VPS39: variants seen among roughly 807,000 people sequenced by gnomAD.
VPS39 encodes the protein vam6/Vps39-like protein.
In VPS39, 70 loss-of-function variants were observed where a neutral mutation model predicts 121.0. The observed-to-expected ratio is 0.58, with a 90% CI of 0.48 to 0.71. The LOEUF (loss-of-function observed/expected upper bound fraction) is 0.71, where lower values mean the gene tolerates loss of function less well. Ranked by LOEUF, VPS39 falls within the 30% of genes least tolerant of loss-of-function variation. VPS39 has a pLI of 0.00. For synonymous variants in VPS39, 378 were observed against 398.1 expected (o/e 0.95, Z 0.60); for missense variants, 818 against 1,051.5 (o/e 0.78, Z 3.07).
chr15:42,189,823 G>A (rs1236540273), intron 4 of VPS39, among the ~76,000 whole-genome samples: 2 of 19,180 alleles, frequency 1.0e-4, no homozygotes, highest in Admixed American at 6.7e-4. Context: ...TTTTTTTTGA[G>A]GCACGGTCTC....
chr15:42,166,530 C>A (rs753786230), intron 15 of VPS39, 33 bp downstream of exon 15: 1 of 1,608,580 alleles, frequency 6.2e-7, no homozygotes, highest in Non-Finnish European at 8.5e-7. Flanking sequence ...TGAACAGGAG[C>A]GCTTTCCCAC....
chr15:42,166,595 T>C lies in VPS39; in HGVS notation c.1574A>G (p.His525Arg). 6.2e-7 allele frequency: 1 copy of C among 1,614,232 alleles called. No homozygotes were observed. The highest frequency in any genetic ancestry group is 8.5e-7 in the Non-Finnish European group (1 of 1,180,036). ...CTGCAGATACTGCACTGTCCTCTCG[T>C]GGCCTTTCAGAGGGGAGTTGGCTTT... ...SKKANSPLKG[H>R]ERTVQYLQHL... The change falls in exon 15 of 25, where the codon CAC becomes CGC. Residue 525 changes from histidine to arginine, a missense_variant. By Grantham distance (29) the His-to-Arg change is conservative. Transcript: ENST00000318006.
chr15:42,177,526 G>C (rs566888032), intron 10 of VPS39, among the ~76,000 whole-genome samples: 2 of 152,248 alleles, frequency 1.3e-5, no homozygotes, highest in East Asian at 1.9e-4. Flanking sequence ...CTGTGGAAAG[G>C]AATTTTGAGG....
chr15:42,169,773 C>T lies in VPS39; in HGVS notation c.1184G>A (p.Gly395Glu), dbSNP rs1006575140. Reference protein sequence around the residue: ...QYPNPLPVLSGAELEKAHLAL... With the variant: ...QYPNPLPVLSEAELEKAHLAL... ...TAAGTGAGCCTTCTCCAATTCAGCC[C>T]CGGAGAGCACAGGCAATGGGTTGGG... The change falls in exon 12 of 25, where the codon GGG becomes GAG. Residue 395 changes from glycine to glutamate, a missense_variant. Gly to Glu is a moderately conservative substitution (Grantham distance 98, BLOSUM62 -2). Transcript: ENST00000318006. The T allele has an allele frequency of 1.2e-6, 2 of 1,614,088 alleles. No homozygotes were observed. Among genetic ancestry groups the T allele is most frequent in the Admixed American group, 1.7e-5 (1 of 60,018 alleles).
In VPS39 at chr15:42,208,128, G is replaced by A. The variant is rs1490943623; in HGVS notation, c.26C>T (p.Pro9Leu). 1 of 1,587,572 alleles carries A rather than the reference G, an allele frequency of 6.3e-7. No homozygotes were observed. Among genetic ancestry groups the A allele is most frequent in the Non-Finnish European group, 8.6e-7 (1 of 1,166,250 alleles). The part of the protein sequence containing the change: MHDAFEPV[P>L]ILEKLPLQID... ...TTGCAGAGGCAGCTTTTCTAGGATC[G>A]GCACTGGCTCGAAAGCGTCGTGCAT... Residue 9 changes from proline to leucine, a missense_variant, in exon 1 of 25, where the codon CCG (proline) becomes CTG (leucine). Coordinates refer to ENST00000318006, the MANE Select transcript of VPS39 (RefSeq NM_015289.5).
rs1190046935 is a variant in VPS39, at chr15:42,161,738, C to T, written c.2496G>A (p.Lys832=). Residue 832 remains lysine (K), a synonymous_variant, in exon 24 of 25, where the codon AAG becomes AAA. Coordinates refer to ENST00000318006, the MANE Select transcript of VPS39 (RefSeq NM_015289.5). ...ACACCTTCTCCTCTGTGATGATGCA[C>T]TTCACCTGCTGGTGTAAAATCCGCT... The part of the protein sequence containing the change: ...QEERILHQQV[K]CIITEEKVCM... 1.9e-6 allele frequency: 3 copies of T among 1,614,196 alleles called. No individual in the cohort carries two copies. Among genetic ancestry groups the T allele is most frequent in the Non-Finnish European group, 1.7e-6 (2 of 1,180,038 alleles).
At chr15:42,181,071 A>G (rs1160846179) in intron 8 of VPS39, among the ~76,000 whole-genome samples, 2 of 152,230 alleles carry the variant, frequency 1.3e-5, no homozygotes, top group African/African-American at 4.8e-5. Context: ...TTGCACACAC[A>G]TGTTCGTAGC....
At chr15:42,163,573 T>G in intron 20 of VPS39, 53 bp downstream of exon 20, 1 of 1,561,892 alleles carries the variant, frequency 6.4e-7, no homozygotes. Flanking sequence ...CTCATCTCTC[T>G]GCAGGGCCTG....
intron 10 of VPS39, among the ~76,000 whole-genome samples, chr15:42,174,681 C>T (rs1465522445): frequency 6.6e-6 from 1 of 152,054 alleles, no homozygotes; most frequent in Admixed American, 6.6e-5. Context: ...TGAGACATAA[C>T]GGATGAGTTG....
chr15:42,193,198 T>C lies in VPS39; in HGVS notation c.140-1638A>G, dbSNP rs368817862. 3.9e-5 allele frequency among the ~76,000 whole-genome samples: 6 copies of C among 152,342 alleles called. No homozygotes were observed. In the South Asian group the frequency reaches 6.2e-4, roughly 16 times the overall value. ...TCAAAGAACTTTTTTGGGGGTTATA[T>C]ACATGAATATTTATGTTAGAAATTT... On this transcript the variant is annotated intron_variant, in intron 2 of 24. Transcript: ENST00000318006.
intron 21 of VPS39, 186 bp from the exon 22 acceptor site, chr15:42,162,667 A>G: frequency 1.6e-6 from 1 of 616,146 alleles, no homozygotes; most frequent in East Asian, 3.2e-5. Context: ...TTAATTAAGG[A>G]TTGCTTTTTC....
intron 2 of VPS39, among the ~76,000 whole-genome samples, chr15:42,197,841 A>G (rs1355150273): frequency 6.6e-6 from 1 of 152,172 alleles, no homozygotes; most frequent in Admixed American, 6.6e-5. Context: ...TCAAATCTGG[A>G]AACCAAATTA....
At chr15:42,168,193 C>A (rs1045013336) in intron 12 of VPS39, among the ~76,000 whole-genome samples, 1 of 152,230 alleles carries the variant, frequency 6.6e-6, no homozygotes, top group African/African-American at 2.4e-5. Context: ...TGGCACAATA[C>A]TAGTGTCAGT....
At chr15:42,170,435 C>T (rs774173692) in intron 11 of VPS39, among the ~76,000 whole-genome samples, 1 of 151,962 alleles carries the variant, frequency 6.6e-6, no homozygotes. Flanking sequence ...CCCAGGAGGT[C>T]GAGGCTGCAG....
At chr15:42,196,510 T>C (rs555648093) in intron 2 of VPS39, among the ~76,000 whole-genome samples, 1 of 152,216 alleles carries the variant, frequency 6.6e-6, no homozygotes, top group East Asian at 1.9e-4. Context: ...AGGCAAAGGA[T>C]ATGAACAGAC....
At chr15:42,163,434 G>A in intron 20 of VPS39, 39 bp from the exon 21 acceptor site, 2 of 1,612,782 alleles carry the variant, frequency 1.2e-6, no homozygotes, top group Non-Finnish European at 1.7e-6. Flanking sequence ...TGGTGTGAGG[G>A]GGGCACATCT....
Position 42,164,647 on chromosome 15 carries a change from T to A in VPS39, c.1898-161A>T, listed in dbSNP as rs2049206568. ...AACTTCTTTTAGTTCATAGTCTCCA[T>A]GTGGCCCCAAAACATCAGCTTACGG... On this transcript the variant is annotated intron_variant, in intron 18 of 24. Transcript: ENST00000318006. The A allele has an allele frequency of 7.6e-6, 11 of 1,440,150 alleles. No homozygotes were observed. The South Asian group carries it at 1.5e-4, about 20-fold the overall frequency. 89.2% of individuals were successfully genotyped at this position (1,440,150 alleles called of 1,614,324 possible).
In VPS39 at chr15:42,166,483, C is replaced by T; in HGVS notation, c.1606+80G>A. ...ACGAGCACGGGAGGGAGGGGAGCAA[C>T]CAACCAGAAACAGAAACAGAGGGAG... On this transcript the variant is annotated intron_variant, in intron 15 of 24. Coordinates refer to ENST00000318006, the MANE Select transcript of VPS39 (RefSeq NM_015289.5). 2.1e-5 allele frequency: 32 copies of T among 1,519,702 alleles called. 2 individuals carry two copies. In the South Asian group the frequency reaches 3.7e-4, roughly 17 times the overall value. The allele number at this position is 1,519,702 out of a possible 1,614,324, so 94.1% of individuals were successfully genotyped here.
intron 18 of VPS39, 91 bp downstream of exon 18, chr15:42,164,905 G>T: frequency 6.4e-7 from 1 of 1,568,640 alleles, no homozygotes; most frequent in Admixed American, 1.8e-5. Flanking sequence ...CAGAGAATAG[G>T]GTGGCCTGCT....
Sources: gnomAD v4.1 joint callset for allele counts (sites outside exome capture counted in the v4.1 genomes callset) on GRCh38, gnomAD v4.1.1 for gene constraint, MANE v1.5 for transcripts, NCBI Gene and HGNC (gene_info 2026-07-23, HGNC 2026-07-21) for gene names.